The following EPHA7 variants were observed in gnomAD, a reference collection of about 807,000 sequenced individuals.
EPHA7 encodes the protein EPH receptor A7.
Under a neutral mutation model 112.6 loss-of-function variants are expected in EPHA7, and 25 were observed. The observed-to-expected ratio is 0.22, with a 90% CI of 0.16 to 0.31. EPHA7 has a LOEUF of 0.31. Among genes scored for constraint, EPHA7 ranks in the 10% least tolerant of loss-of-function variants. The pLI, the probability that EPHA7 is intolerant of heterozygous loss-of-function variation, is 1.00. For synonymous variants in EPHA7, 437 were observed against 406.5 expected (o/e 1.07, Z -0.90); for missense variants, 962 against 1,212.6 (o/e 0.79, Z 3.07).
chr6:93,309,673 A>T (rs1037199633), intron 5 of EPHA7, among the ~76,000 whole-genome samples: 1 of 152,110 alleles, frequency 6.6e-6, no homozygotes, highest in Non-Finnish European at 1.5e-5. Flanking sequence ...AAATAAATTC[A>T]TACCCATTCA....
intron 13 of EPHA7, 113 bp from the exon 14 acceptor site, chr6:93,254,909 T>A (rs1409201785): frequency 1.3e-6 from 1 of 744,842 alleles, no homozygotes; most frequent in Non-Finnish European, 2.1e-6. Flanking sequence ...CAGCATCAGG[T>A]CTACCCATCT....
At chr6:93,244,013 G>T (rs999037433) in intron 16 of EPHA7, among the ~76,000 whole-genome samples, 1 of 151,876 alleles carries the variant, frequency 6.6e-6, no homozygotes, top group Admixed American at 6.6e-5. Context: ...ATTAACGTGT[G>T]GTAATTCTGA....
intron 5 of EPHA7, among the ~76,000 whole-genome samples, chr6:93,314,598 C>T (rs988660577): frequency 2.0e-5 from 3 of 152,020 alleles, no homozygotes; most frequent in Non-Finnish European, 4.4e-5. Context: ...GATGACCAAA[C>T]ATGAAAGCCA....
chr6:93,252,391 A>C (rs938787310), intron 14 of EPHA7, among the ~76,000 whole-genome samples: 1 of 151,262 alleles, frequency 6.6e-6, no homozygotes, highest in African/African-American at 2.4e-5. Flanking sequence ...TAATTAAAAG[A>C]CAATGAATAC....
At chr6:93,397,262 T>C (rs987737672) in intron 3 of EPHA7, among the ~76,000 whole-genome samples, 1 of 151,762 alleles carries the variant, frequency 6.6e-6, no homozygotes, top group African/African-American at 2.4e-5. Flanking sequence ...AAGTAAATAG[T>C]TTTTCAAGAA....
At chr6:93,380,883 T>C (rs1013132234) in intron 3 of EPHA7, among the ~76,000 whole-genome samples, 1 of 152,184 alleles carries the variant, frequency 6.6e-6, no homozygotes, top group African/African-American at 2.4e-5. Context: ...TATTCATGAA[T>C]GTATTGGCAA....
intron 5 of EPHA7, among the ~76,000 whole-genome samples, chr6:93,336,834 T>C (rs1458259928): frequency 6.6e-6 from 1 of 151,448 alleles, no homozygotes; most frequent in Non-Finnish European, 1.5e-5. Context: ...AATTTTACCA[T>C]AAATTTGAAG....
rs1023571680 is a variant in EPHA7, at chr6:93,260,971, A to AT, written c.1799-1493dup. On this transcript the variant is annotated intron_variant, in intron 9 of 16. Coordinates refer to ENST00000369303, the MANE Select transcript of EPHA7 (RefSeq NM_004440.4). ...TCCCTTTTTATTCTCTCTTTCTTTC[A>AT]TTTTTTTAAAATTTTGTTTTGATAA... Among the ~76,000 whole-genome samples, 10 of 151,470 alleles carry AT rather than the reference A, an allele frequency of 6.6e-5. No individual in the cohort carries two copies. The South Asian group carries it at 1.0e-3, about 16-fold the overall frequency.
rs201830799 is a variant in EPHA7, at chr6:93,254,799, G to T, written c.2383-3C>A. On this transcript the variant is annotated splice_region_variant and splice_polypyrimidine_tract_variant and intron_variant, in intron 13 of 16. Coordinates refer to ENST00000369303, the MANE Select transcript of EPHA7 (RefSeq NM_004440.4). ...CACCTTACTGGAATTTTTCCACCCT[G>T]TTATAAAAAGAAATGAACATTTTAA... is the stretch of plus-strand genomic sequence containing the variant. 6.2e-7 allele frequency: 1 copy of T among 1,607,456 alleles called. No homozygotes were observed. The highest frequency in any genetic ancestry group is 8.5e-7 in the Non-Finnish European group (1 of 1,176,722).
intron 5 of EPHA7, among the ~76,000 whole-genome samples, chr6:93,340,572 A>AC (rs911329978): frequency 1.3e-5 from 2 of 151,796 alleles, no homozygotes; most frequent in Non-Finnish European, 2.9e-5. Context: ...AAACTCCAAA[A>AC]AAAAATTCAA....
intron 5 of EPHA7, among the ~76,000 whole-genome samples, chr6:93,332,003 C>G (rs1352550252): frequency 6.6e-6 from 1 of 151,594 alleles, no homozygotes; most frequent in East Asian, 1.9e-4. Context: ...TACTATACAA[C>G]TGCTACACAC....
chr6:93,335,110 C>T (rs1774798492), intron 5 of EPHA7, among the ~76,000 whole-genome samples: 2 of 152,082 alleles, frequency 1.3e-5, no homozygotes, highest in African/African-American at 2.4e-5. Context: ...GGAGTAATAA[C>T]ATATTCCTCA....
At chr6:93,246,096 G>A (rs1255372653) in intron 15 of EPHA7, among the ~76,000 whole-genome samples, 1 of 151,346 alleles carries the variant, frequency 6.6e-6, no homozygotes, top group Admixed American at 6.6e-5. Context: ...CTGTCGCCCA[G>A]GCTGGAGTGC....
intron 5 of EPHA7, among the ~76,000 whole-genome samples, chr6:93,329,590 A>C (rs1774488839): frequency 1.3e-5 from 2 of 151,394 alleles, no homozygotes; most frequent in Middle Eastern, 6.8e-3. Flanking sequence ...TTCTTTGTAT[A>C]CTTTTTTTAA....
chr6:93,409,608 T>C (rs1347913712), intron 3 of EPHA7: 2 of 151,928 alleles, frequency 1.3e-5, no homozygotes, highest in Non-Finnish European at 2.9e-5. Flanking sequence ...ATATATGTGT[T>C]ATTTTTAATG....
rs1249031481 is a variant in EPHA7 at position 93,281,821 on chromosome 6, C to A, written c.1325-9399G>T. Among the ~76,000 whole-genome samples, 10 of 151,990 alleles carry A rather than the reference C, an allele frequency of 6.6e-5. No homozygotes were observed. In the South Asian group the frequency reaches 2.1e-3, roughly 32 times the overall value. Reference sequence around the variant, plus strand: ...AAATTTCCATAGCTATATTTAAATTCTTTACAATATGGATTTCTGTATTAC... The same window carrying A: ...AAATTTCCATAGCTATATTTAAATTATTTACAATATGGATTTCTGTATTAC... On this transcript the variant is annotated intron_variant, in intron 5 of 16. Transcript: ENST00000369303.
intron 5 of EPHA7, among the ~76,000 whole-genome samples, chr6:93,347,157 T>C (rs1775443236): frequency 6.6e-6 from 1 of 151,804 alleles, no homozygotes; most frequent in South Asian, 2.1e-4. Flanking sequence ...AATCCTGAAA[T>C]GGTACTGACT....
At position 93,419,524 on chromosome 6, in the gene EPHA7, C is replaced by G; in HGVS notation, c.-183G>C. On this transcript the variant is annotated 5_prime_UTR_variant, in exon 1 of 17. Transcript: ENST00000369303. ...TCCCCCCCACTCCTGTTCGCTCGCACCGTGTTTGCTGCCTGCAAGTCTCCG... is the reference window on the plus strand; with the variant it reads ...TCCCCCCCACTCCTGTTCGCTCGCAGCGTGTTTGCTGCCTGCAAGTCTCCG... The G allele has an allele frequency of 1.8e-6, 1 of 555,052 alleles. No individual in the cohort carries two copies. The highest frequency in any genetic ancestry group is 3.1e-6 in the Non-Finnish European group (1 of 318,372). The allele number at this position is 555,052 out of a possible 1,614,324, so 34.4% of individuals were successfully genotyped here.
chr6:93,305,062 A>G (rs1773181971), intron 5 of EPHA7, among the ~76,000 whole-genome samples: 1 of 151,988 alleles, frequency 6.6e-6, no homozygotes, highest in East Asian at 1.9e-4. Flanking sequence ...CCTCACTAGA[A>G]TGTAAGCTTT....
Sources: gnomAD v4.1 joint callset for allele counts (sites outside exome capture counted in the v4.1 genomes callset) on GRCh38, gnomAD v4.1.1 for gene constraint, MANE v1.5 for transcripts, NCBI Gene and HGNC (gene_info 2026-07-23, HGNC 2026-07-21) for gene names.